Variants in SV2C observed in about 807,000 individuals in gnomAD.
The protein encoded by SV2C is solute carrier family 22 member B3.
Under a neutral mutation model 79.7 loss-of-function variants are expected in SV2C, and 49 were observed. The ratio of observed to expected loss-of-function variants is 0.61; its 90% CI spans 0.49 to 0.78. SV2C has a LOEUF of 0.78. Ranked by LOEUF, SV2C falls within the 30% of genes least tolerant of loss-of-function variation. SV2C has a pLI of 0.00. For synonymous variants in SV2C, 334 were observed against 333.2 expected (o/e 1.00, Z -0.03); for missense variants, 833 against 912.9 (o/e 0.91, Z 1.13).
chr5:75,895,138 AAACAGCAACAAC>A, the SV2C span, among the ~76,000 whole-genome samples: 1 of 152,170 alleles, frequency 6.6e-6, no homozygotes, highest in Non-Finnish European at 1.5e-5. Flanking sequence ...CTGAATAAAC[AAACAGCAACAAC>A]AGCAGCAACA....
At chr5:75,994,874 C>CTCATATAATTCAGTAT in the SV2C span, among the ~76,000 whole-genome samples, 1 of 152,068 alleles carries the variant, frequency 6.6e-6, no homozygotes, top group Non-Finnish European at 1.5e-5. Flanking sequence ...GGCCTGAGAA[C>CTCATATAATTCAGTAT]GAGGGGGCCA....
chr5:75,914,424 G>A, the SV2C span, among the ~76,000 whole-genome samples: 1 of 152,162 alleles, frequency 6.6e-6, no homozygotes, highest in African/African-American at 2.4e-5. Flanking sequence ...AGTAAACCCA[G>A]CTGAATCTTT....
the SV2C span, among the ~76,000 whole-genome samples, chr5:76,011,649 A>C: frequency 6.6e-6 from 1 of 152,020 alleles, no homozygotes; most frequent in Admixed American, 6.6e-5. Flanking sequence ...TCTGGGATAC[A>C]TGTGCAGAAC....
chr5:76,199,066 A>G (rs1002125917), intron 3 of SV2C, among the ~76,000 whole-genome samples: 2 of 152,226 alleles, frequency 1.3e-5, no homozygotes, highest in African/African-American at 4.8e-5. Context: ...TCTTGTTTTC[A>G]AAGGCATATC....
At chr5:76,209,618 T>G in intron 3 of SV2C, 118 bp from the exon 4 acceptor site, 9 of 954,360 alleles carry the variant, frequency 9.4e-6, no homozygotes, top group Non-Finnish European at 1.4e-5. Context: ...ATATGTTTGT[T>G]GATATGCTGG....
At chr5:75,970,701 A>G in the SV2C span, among the ~76,000 whole-genome samples, 3 of 152,062 alleles carry the variant, frequency 2.0e-5, no homozygotes, top group African/African-American at 7.3e-5. Flanking sequence ...CAACCAAAAA[A>G]AGTCCAGGAC....
the SV2C span, among the ~76,000 whole-genome samples, chr5:76,052,793 T>C: frequency 6.6e-6 from 1 of 152,190 alleles, no homozygotes; most frequent in Non-Finnish European, 1.5e-5. Flanking sequence ...CTCTGAAAAC[T>C]AGCTGTTACT....
the SV2C span, among the ~76,000 whole-genome samples, chr5:75,868,825 T>A: frequency 6.6e-6 from 1 of 152,220 alleles, no homozygotes; most frequent in East Asian, 1.9e-4. Flanking sequence ...CTACCCAACA[T>A]GTCTCTGTAA....
At chr5:76,013,850 A>G in the SV2C span, among the ~76,000 whole-genome samples, 1 of 152,156 alleles carries the variant, frequency 6.6e-6, no homozygotes, top group African/African-American at 2.4e-5. Context: ...ATAGAAAACA[A>G]TATTTGGTAA....
chr5:76,188,078 G>A (rs1743976595), intron 2 of SV2C, among the ~76,000 whole-genome samples: 1 of 152,030 alleles, frequency 6.6e-6, no homozygotes, highest in Admixed American at 6.6e-5. Context: ...TGGGCAATAT[G>A]GTGAAACCCC....
At chr5:75,939,387 T>C in the SV2C span, among the ~76,000 whole-genome samples, 85,262 of 151,660 alleles carry the variant, frequency 0.56, 24,631 homozygotes, top group African/African-American at 0.7. Flanking sequence ...GACAGAGGAA[T>C]CTCTCTGATT....
the SV2C span, among the ~76,000 whole-genome samples, chr5:75,856,944 T>A: frequency 1.3e-5 from 2 of 151,338 alleles, no homozygotes; most frequent in Non-Finnish European, 2.9e-5. Flanking sequence ...TTGACTTAAG[T>A]GTCTTTAATC....
the SV2C span, among the ~76,000 whole-genome samples, chr5:75,899,758 G>A: frequency 1.1e-4 from 16 of 152,006 alleles, no homozygotes; most frequent in Non-Finnish European, 1.3e-4. Flanking sequence ...TCCTGTATTG[G>A]GTGCATATAT....
intron 1 of SV2C, among the ~76,000 whole-genome samples, chr5:76,118,279 T>C (rs926611522): frequency 3.3e-5 from 5 of 152,170 alleles, no homozygotes; most frequent in African/African-American, 1.2e-4. Flanking sequence ...CTGTGTCTTC[T>C]CTCTTCTGTC....
At chr5:76,147,584 A>G (rs1253604131) in intron 2 of SV2C, among the ~76,000 whole-genome samples, 1 of 152,182 alleles carries the variant, frequency 6.6e-6, no homozygotes, top group African/African-American at 2.4e-5. Context: ...TTCCTGGGGA[A>G]TTTGAGAGTA....
chr5:76,029,228 G>T, the SV2C span, among the ~76,000 whole-genome samples: 3 of 152,194 alleles, frequency 2.0e-5, no homozygotes, highest in East Asian at 5.8e-4. Flanking sequence ...TATTTTTCTG[G>T]TGAGAACACC....
At chr5:76,347,259 G>A (rs1749562124) in intron 12 of SV2C, among the ~76,000 whole-genome samples, 1 of 152,128 alleles carries the variant, frequency 6.6e-6, no homozygotes, top group Non-Finnish European at 1.5e-5. Context: ...TATGGATGGG[G>A]GATAACTTTG....
chr5:75,891,614 A>C, the SV2C span, among the ~76,000 whole-genome samples: 4 of 152,148 alleles, frequency 2.6e-5, no homozygotes, highest in Admixed American at 2.0e-4. Flanking sequence ...GTTTCTGATG[A>C]ATAATCCATT....
chr5:76,171,941 G>A (rs1743290348), intron 2 of SV2C, among the ~76,000 whole-genome samples: 2 of 130,020 alleles, frequency 1.5e-5, no homozygotes, highest in African/African-American at 5.6e-5. Context: ...GAGGTAGGGG[G>A]GTCAGCCCCC....
Sources: allele counts gnomAD v4.1 joint callset (sites outside exome capture counted in the v4.1 genomes callset), GRCh38; gene constraint gnomAD v4.1.1; transcripts MANE v1.5; gene names NCBI Gene and HGNC (gene_info 2026-07-23, HGNC 2026-07-21).